The following ASTN2 variants were observed in gnomAD, a reference collection of about 807,000 sequenced individuals.
ASTN2 encodes astrotactin-2.
A neutral mutation model predicts 139.8 loss-of-function variants in ASTN2; 54 were observed. That is an observed-to-expected ratio of 0.39 (90% CI 0.31 to 0.48). The LOEUF is 0.48. Among genes scored for constraint, ASTN2 ranks in the 20% least tolerant of loss-of-function variants. The pLI, the probability that ASTN2 is intolerant of heterozygous loss-of-function variation, is 0.95. For missense variants in ASTN2, 1,565 were observed against 1,725.1 expected (o/e 0.91, Z 1.64); for synonymous variants, 756 against 719.5 (o/e 1.05, Z -0.81).
chr9:116,550,727 G>C (rs1852305855), intron 19 of ASTN2, among the ~76,000 whole-genome samples: 1 of 152,180 alleles, frequency 6.6e-6, no homozygotes, highest in Admixed American at 6.5e-5. Context: ...ATCCCTGAGA[G>C]ATAGGCAGGA....
At chr9:117,016,199 C>T (rs1929000) in intron 6 of ASTN2, among the ~76,000 whole-genome samples, 29,692 of 151,902 alleles carry the variant, frequency 0.2, 3,686 homozygotes, top group Middle Eastern at 0.27. Context: ...AGGCAAGGGG[C>T]AGGGGAGGTG....
chr9:116,850,206 G>T (rs1832560047), intron 11 of ASTN2, among the ~76,000 whole-genome samples: 3 of 152,148 alleles, frequency 2.0e-5, no homozygotes, highest in African/African-American at 7.2e-5. Context: ...GCCCTTCAAG[G>T]TTTTATTCCC....
rs534867145 is a variant in ASTN2 at position 117,117,917 on chromosome 9, C to T, written c.1169-21766G>A. Among the ~76,000 whole-genome samples, 159 of 152,200 alleles carry T rather than the reference C, an allele frequency of 1.0e-3. 2 individuals are homozygous for T. The South Asian group carries it at 0.024, about 23-fold the overall frequency. On this transcript the variant is annotated intron_variant, in intron 4 of 22. Coordinates refer to ENST00000313400, the MANE Select transcript of ASTN2 (RefSeq NM_001365068.1). ...GGTAAGAGCCACCCAAAGGCCCCTG[C>T]GTCTCATGGCAGCAGGGCAGAATGT...
intron 13 of ASTN2, among the ~76,000 whole-genome samples, chr9:116,793,796 G>A (rs1368003009): frequency 2.6e-5 from 4 of 152,124 alleles, no homozygotes; most frequent in African/African-American, 9.7e-5. Context: ...GCAGGCAATT[G>A]GTTTGTACCT....
intron 7 of ASTN2, among the ~76,000 whole-genome samples, chr9:116,978,507 A>G (rs904516002): frequency 2.1e-5 from 3 of 143,278 alleles, no homozygotes; most frequent in Non-Finnish European, 4.6e-5. Flanking sequence ...ACACACACAC[A>G]CACACACACA....
chr9:117,059,350 A>T (rs1340987931), intron 5 of ASTN2, among the ~76,000 whole-genome samples: 2 of 152,210 alleles, frequency 1.3e-5, no homozygotes, highest in South Asian at 2.1e-4. Flanking sequence ...GTGGTGGCTC[A>T]TGCCTGTAAT....
rs547503945 is a variant in ASTN2, at chr9:117,230,956, C to A, written c.631-16214G>T. Among the ~76,000 whole-genome samples, 4 of 152,256 alleles carry A rather than the reference C, an allele frequency of 2.6e-5. No individual in the cohort carries two copies. In the South Asian group the frequency reaches 8.3e-4, roughly 32 times the overall value. On this transcript the variant is annotated intron_variant, in intron 2 of 22. Coordinates refer to ENST00000313400, the MANE Select transcript of ASTN2 (RefSeq NM_001365068.1). ...CCCTCCCAGATAGAGTTGATCATCCCCAAACTTGCCTGGTCATAAATAACA... is the reference window on the plus strand; with the variant it reads ...CCCTCCCAGATAGAGTTGATCATCCACAAACTTGCCTGGTCATAAATAACA...
intron 4 of ASTN2, among the ~76,000 whole-genome samples, chr9:117,107,832 G>T (rs970792150): frequency 6.6e-6 from 1 of 152,152 alleles, no homozygotes; most frequent in African/African-American, 2.4e-5. Context: ...CCAAAGTAAA[G>T]AACGTTTTGT....
At chr9:117,386,979 C>T (rs10435877) in intron 1 of ASTN2, among the ~76,000 whole-genome samples, 2,654 of 152,312 alleles carry the variant, frequency 0.017, 125 homozygotes, top group East Asian at 0.17. Flanking sequence ...AGTCCTGCCA[C>T]CAACACCCTC....
chr9:117,179,258 T>TATGC (rs1564463598), intron 3 of ASTN2, among the ~76,000 whole-genome samples: 1 of 152,218 alleles, frequency 6.6e-6, no homozygotes, highest in Non-Finnish European at 1.5e-5. Flanking sequence ...CATATGTATG[T>TATGC]ATGCATACAT....
In ASTN2 at chr9:116,762,470, T is replaced by C. The variant is rs564087184; in HGVS notation, c.2397-28947A>G. On this transcript the variant is annotated intron_variant, in intron 13 of 22. Transcript: ENST00000313400. ...GTAGGTGGATGTGGACTCTTATCTA[T>C]TGAGTACCTGTCATGATCCCCACTT... Among the ~76,000 whole-genome samples, 9 of 152,338 alleles carry C rather than the reference T, an allele frequency of 5.9e-5. No individual in the cohort carries two copies. In the East Asian group the frequency reaches 1.2e-3, roughly 20 times the overall value.
intron 4 of ASTN2, among the ~76,000 whole-genome samples, chr9:117,137,408 A>C (rs1829978546): frequency 6.6e-6 from 1 of 152,214 alleles, no homozygotes; most frequent in Non-Finnish European, 1.5e-5. Context: ...AGCCCACGGC[A>C]ACCTCAATGG....
chr9:117,239,428 G>T (rs536386686), intron 2 of ASTN2, among the ~76,000 whole-genome samples: 1 of 152,264 alleles, frequency 6.6e-6, no homozygotes, highest in African/African-American at 2.4e-5. Flanking sequence ...CTCTATAAAA[G>T]CCCAGAGAAG....
At chr9:117,379,523 G>A (rs532194084) in intron 1 of ASTN2, among the ~76,000 whole-genome samples, 1 of 152,234 alleles carries the variant, frequency 6.6e-6, no homozygotes, top group Admixed American at 6.5e-5. Flanking sequence ...TTAAGCCTTC[G>A]AAGGCCTCCA....
intron 10 of ASTN2, among the ~76,000 whole-genome samples, chr9:116,882,470 G>A (rs2132372230): frequency 6.6e-6 from 1 of 152,256 alleles, no homozygotes. Context: ...GACAACAGTG[G>A]AGGCAGAAAA....
intron 4 of ASTN2, among the ~76,000 whole-genome samples, chr9:117,113,905 G>C (rs935205212): frequency 2.6e-5 from 4 of 152,040 alleles, no homozygotes; most frequent in Non-Finnish European, 5.9e-5. Flanking sequence ...GAATCTTTTG[G>C]GGGTGAAGGA....
intron 20 of ASTN2, among the ~76,000 whole-genome samples, chr9:116,477,676 G>A (rs905799439): frequency 2.0e-5 from 3 of 151,524 alleles, no homozygotes; most frequent in African/African-American, 7.3e-5. Flanking sequence ...AAAGAGACAG[G>A]GGTAGAGACA....
intron 1 of ASTN2, among the ~76,000 whole-genome samples, chr9:117,307,260 A>G (rs750295165): frequency 5.3e-5 from 8 of 152,238 alleles, no homozygotes; most frequent in Non-Finnish European, 7.3e-5. Flanking sequence ...ATATGTTCAC[A>G]TATGGCTGTT....
intron 19 of ASTN2, chr9:116,583,775 A>C (rs1298475817): frequency 6.6e-6 from 1 of 152,056 alleles, no homozygotes; most frequent in African/African-American, 2.4e-5. Context: ...TCAAAGCAAA[A>C]AGGTGCATAA....
Sources: allele counts gnomAD v4.1 joint callset (sites outside exome capture counted in the v4.1 genomes callset), GRCh38; gene constraint gnomAD v4.1.1; transcripts MANE v1.5; gene names NCBI Gene and HGNC (gene_info 2026-07-23, HGNC 2026-07-21).